The following EYA4 variants were observed in gnomAD, a reference collection of about 807,000 sequenced individuals.
EYA4 encodes protein phosphatase EYA4.
Under a neutral mutation model 87.9 loss-of-function variants are expected in EYA4, and 31 were observed. That is an observed-to-expected ratio of 0.35 (90% confidence interval 0.27 to 0.48). The LOEUF (loss-of-function observed/expected upper bound fraction) is 0.48. EYA4 is among the 20% of genes least tolerant of loss of function. EYA4 has a pLI of 0.99. For synonymous variants in EYA4, 263 were observed against 270.6 expected (o/e 0.97, Z 0.28); for missense variants, 678 against 761.4 (o/e 0.89, Z 1.29).
chr6:133,499,132 T>TAAA (rs1290580009), intron 13 of EYA4, among the ~76,000 whole-genome samples: 1 of 152,218 alleles, frequency 6.6e-6, no homozygotes, highest in African/African-American at 2.4e-5. Context: ...TTGATCTCAG[T>TAAA]TGATGATCAT....
At chr6:133,350,136 G>A (rs1783528326) in intron 2 of EYA4, among the ~76,000 whole-genome samples, 1 of 152,030 alleles carries the variant, frequency 6.6e-6, no homozygotes, top group South Asian at 2.1e-4. Flanking sequence ...ATAAGGGCCT[G>A]ATCTTTGATG....
At chr6:133,441,563 CCGTGT>C (rs1447350326) in intron 3 of EYA4, among the ~76,000 whole-genome samples, 5 of 152,186 alleles carry the variant, frequency 3.3e-5, no homozygotes, top group African/African-American at 1.2e-4. Flanking sequence ...GCCCCTGCTG[CCGTGT>C]CTTTCCCCTA....
chr6:133,274,312 T>C (rs1230928867), intron 1 of EYA4, among the ~76,000 whole-genome samples: 1 of 152,230 alleles, frequency 6.6e-6, no homozygotes, highest in African/African-American at 2.4e-5. Context: ...AGTTGTCATA[T>C]TAAAATGCAC....
chr6:133,490,542 T>TA (rs1290181411), intron 13 of EYA4, among the ~76,000 whole-genome samples: 2 of 151,896 alleles, frequency 1.3e-5, no homozygotes, highest in Non-Finnish European at 2.9e-5. Flanking sequence ...TAGCTATACT[T>TA]ATAATCATCA....
intron 11 of EYA4, among the ~76,000 whole-genome samples, chr6:133,476,798 C>A (rs1417762073): frequency 6.6e-6 from 1 of 151,976 alleles, no homozygotes; most frequent in African/African-American, 2.4e-5. Context: ...TATGGTAGTT[C>A]CGTTTTTAGG....
chr6:133,509,428 A>G (rs1798941672), intron 14 of EYA4, among the ~76,000 whole-genome samples: 1 of 151,980 alleles, frequency 6.6e-6, no homozygotes, highest in Admixed American at 6.6e-5. Context: ...CGAACCATCT[A>G]ATTTGACACT....
At chr6:133,392,498 C>T (rs3777810) in intron 3 of EYA4, among the ~76,000 whole-genome samples, 4,617 of 152,104 alleles carry the variant, frequency 0.03, 186 homozygotes, top group East Asian at 0.18. Flanking sequence ...ACAGATCAAC[C>T]GTGACTCAGG....
At chr6:133,442,304 G>C (rs1165279596) in intron 3 of EYA4, among the ~76,000 whole-genome samples, 1 of 152,124 alleles carries the variant, frequency 6.6e-6, no homozygotes. Context: ...AAAAGTGGTA[G>C]TTCTTTCCTC....
chr6:133,513,139 C>A lies in EYA4; in HGVS notation c.1501+101C>A, dbSNP rs1479474166. Reference sequence around the variant, plus strand: ...ATGATTCTGCTGTAAAAGAAACAAGCAAAAGCTCATATTAAACCACATTGA... The same window carrying A: ...ATGATTCTGCTGTAAAAGAAACAAGAAAAAGCTCATATTAAACCACATTGA... On this transcript the variant is annotated intron_variant, in intron 16 of 19. Transcript: ENST00000355286. The A allele has an allele frequency of 2.4e-6, 3 of 1,261,510 alleles. No homozygotes were observed. In the African/African-American group the frequency reaches 4.4e-5, roughly 19 times the overall value. The allele number at this position is 1,261,510 out of a possible 1,614,324, so 78.1% of individuals were successfully genotyped here. A position where few individuals can be genotyped will look rare whatever the true frequency, so the allele number is the denominator to read the frequency against.
In EYA4 at chr6:133,464,773, C is replaced by T; in HGVS notation, c.725-6C>T. On this transcript the variant is annotated splice_region_variant and splice_polypyrimidine_tract_variant and intron_variant, in intron 9 of 19. Transcript: ENST00000355286. ...TTTTAAAATGCAATTTGTTTTTTAC[C>T]TCTAGGTTCTAGTTTTGCACCATCA... 1 of 1,577,202 alleles carries T rather than the reference C, an allele frequency of 6.3e-7. No individual in the cohort carries two copies. Among genetic ancestry groups the T allele is most frequent in the Non-Finnish European group, 8.7e-7 (1 of 1,147,498 alleles).
intron 13 of EYA4, among the ~76,000 whole-genome samples, chr6:133,486,093 G>C (rs1188886509): frequency 6.6e-6 from 1 of 152,068 alleles, no homozygotes; most frequent in East Asian, 1.9e-4. Flanking sequence ...TTTTTACTCA[G>C]AGCAATTTAA....
chr6:133,340,809 T>A (rs977853801), intron 2 of EYA4, among the ~76,000 whole-genome samples: 5 of 151,924 alleles, frequency 3.3e-5, no homozygotes, highest in Admixed American at 1.3e-4. Flanking sequence ...ATCAGAAGAG[T>A]GGACTGCTGA....
intron 3 of EYA4, among the ~76,000 whole-genome samples, chr6:133,422,997 A>T (rs141478109): frequency 0.012 from 1,801 of 152,122 alleles, 32 homozygotes; most frequent in Admixed American, 0.031. Flanking sequence ...CAAAGGAGAG[A>T]TGTGTTTTCA....
chr6:133,252,959 A>G (rs1193370228), intron 1 of EYA4, among the ~76,000 whole-genome samples: 1 of 144,610 alleles, frequency 6.9e-6, no homozygotes, highest in Non-Finnish European at 1.5e-5. Context: ...ACACACACAC[A>G]CACACACACA....
At chr6:133,376,584 T>A (rs997646973) in intron 2 of EYA4, among the ~76,000 whole-genome samples, 3 of 151,994 alleles carry the variant, frequency 2.0e-5, no homozygotes, top group African/African-American at 7.2e-5. Context: ...TTTTGGAAGA[T>A]GCTAGATATA....
chr6:133,438,659 T>C (rs1299655734), intron 3 of EYA4, among the ~76,000 whole-genome samples: 1 of 151,914 alleles, frequency 6.6e-6, no homozygotes, highest in Non-Finnish European at 1.5e-5. Context: ...TCCTTGAGGG[T>C]AGGGCCATGT....
At chr6:133,485,641 T>G (rs1399863041) in intron 13 of EYA4, among the ~76,000 whole-genome samples, 2 of 152,084 alleles carry the variant, frequency 1.3e-5, no homozygotes, top group East Asian at 3.9e-4. Context: ...GTAAAGACAA[T>G]TAGTGAGGTA....
intron 3 of EYA4, among the ~76,000 whole-genome samples, chr6:133,407,763 C>T (rs1788850247): frequency 6.6e-6 from 1 of 152,062 alleles, no homozygotes; most frequent in African/African-American, 2.4e-5. Flanking sequence ...AAAAATACTG[C>T]TGCTATTTTC....
At chr6:133,303,463 G>T (rs1472931789) in intron 2 of EYA4, among the ~76,000 whole-genome samples, 1 of 152,162 alleles carries the variant, frequency 6.6e-6, no homozygotes, top group Non-Finnish European at 1.5e-5. Flanking sequence ...TTTGCAGCCA[G>T]TGGTATGAAC....
Sources: allele counts gnomAD v4.1 joint callset (sites outside exome capture counted in the v4.1 genomes callset), GRCh38; gene constraint gnomAD v4.1.1; transcripts MANE v1.5; gene names NCBI Gene and HGNC (gene_info 2026-07-23, HGNC 2026-07-21).